The following LUZP2 variants were observed in gnomAD, a reference collection of about 807,000 sequenced individuals.
LUZP2 encodes leucine zipper protein 2.
Under a neutral mutation model 51.6 loss-of-function variants are expected in LUZP2, and 52 were observed. The ratio of observed to expected loss-of-function variants is 1.01; its 90% CI spans 0.81 to 1.27. The LOEUF is 1.27. Among genes scored for constraint, LUZP2 ranks in the 50% most tolerant of loss-of-function variants. LUZP2 has a pLI of 0.00. For synonymous variants in LUZP2, 154 were observed against 137.3 expected, an observed-to-expected ratio of 1.12 and a Z score of -0.85; for missense variants, 436 against 395.4, an observed-to-expected ratio of 1.10 and a Z score of -0.87.
intron 1 of LUZP2, among the ~76,000 whole-genome samples, chr11:24,661,824 TTTGAAG>T (rs1856031738): frequency 6.6e-6 from 1 of 152,182 alleles, no homozygotes; most frequent in Non-Finnish European, 1.5e-5. Context: ...TTGACTTTTC[TTTGAAG>T]TTGGTTAATA....
chr11:24,715,297 G>GTGTGTGTGTGTGTGTGTGTGTA, intron 1 of LUZP2, among the ~76,000 whole-genome samples: 1 of 136,546 alleles, frequency 7.3e-6, no homozygotes, highest in Admixed American at 7.4e-5. Context: ...GTGTGTGTGT[G>GTGTGTGTGTGTGTGTGTGTGTA]TGTGTGTGTG....
intron 5 of LUZP2, among the ~76,000 whole-genome samples, chr11:24,831,324 A>C (rs1474300934): frequency 1.3e-5 from 2 of 152,244 alleles, no homozygotes; most frequent in Admixed American, 6.5e-5. Context: ...GAAGTTTTAC[A>C]CAGAGAGATA....
At chr11:25,044,032 G>T (rs866960910) in intron 9 of LUZP2, among the ~76,000 whole-genome samples, 2 of 116,586 alleles carry the variant, frequency 1.7e-5, no homozygotes, top group African/African-American at 8.5e-5. Context: ...GATATATATA[G>T]AGTCTATATA....
At position 24,927,839 on chromosome 11, in the gene LUZP2, T is replaced by C. The variant is rs112682195; in HGVS notation, c.522+13301T>C. On this transcript the variant is annotated intron_variant, in intron 7 of 11. Coordinates refer to ENST00000336930, the MANE Select transcript of LUZP2 (RefSeq NM_001009909.4). Reference sequence around the variant, plus strand: ...AAGTGGCTTTTGGTGGTATGGTCATTATCACGATATTGATTCTACCCATCC... The same window carrying C: ...AAGTGGCTTTTGGTGGTATGGTCATCATCACGATATTGATTCTACCCATCC... Among the ~76,000 whole-genome samples the C allele has an allele frequency of 3.5e-3, 529 of 152,242 alleles. 4 individuals carry two copies. The highest frequency in any genetic ancestry group is 4.9e-3 in the Non-Finnish European group (332 of 67,986).
chr11:24,530,214 G>C (rs7928736), intron 1 of LUZP2, among the ~76,000 whole-genome samples: 14,905 of 150,742 alleles, frequency 0.099, 907 homozygotes, highest in African/African-American at 0.16. Context: ...TGAATTCACT[G>C]AGGAGATTTA....
chr11:24,992,468 A>G (rs990877471), intron 9 of LUZP2, among the ~76,000 whole-genome samples: 1 of 152,158 alleles, frequency 6.6e-6, no homozygotes, highest in Non-Finnish European at 1.5e-5. Context: ...TAATGGAATT[A>G]GATTAATTGA....
chr11:24,586,456 T>C (rs1320301815), intron 1 of LUZP2, among the ~76,000 whole-genome samples: 1 of 152,074 alleles, frequency 6.6e-6, no homozygotes, highest in African/African-American at 2.4e-5. Context: ...AAATATATAA[T>C]TTTCTCAGAA....
chr11:24,953,514 G>A (rs1039642072), intron 7 of LUZP2, among the ~76,000 whole-genome samples: 3 of 151,942 alleles, frequency 2.0e-5, no homozygotes, highest in Admixed American at 1.3e-4. Context: ...TGTCTGCCAT[G>A]TCAATTAACT....
intron 1 of LUZP2, among the ~76,000 whole-genome samples, chr11:24,517,281 C>G (rs1471390243): frequency 6.6e-6 from 1 of 151,624 alleles, no homozygotes; most frequent in Non-Finnish European, 1.5e-5. Flanking sequence ...GTCAGGAGAT[C>G]GAGACCATCC....
chr11:25,069,330 A>G (rs1590895429), intron 10 of LUZP2, among the ~76,000 whole-genome samples: 1 of 151,978 alleles, frequency 6.6e-6, no homozygotes, highest in Non-Finnish European at 1.5e-5. Context: ...TGTTGTCCTC[A>G]TTTATAAAAA....
intron 1 of LUZP2, among the ~76,000 whole-genome samples, chr11:24,504,326 A>G (rs76808366): frequency 0.012 from 1,790 of 152,276 alleles, 34 homozygotes; most frequent in African/African-American, 0.04. Flanking sequence ...ATAAGGTTAC[A>G]TTACATTTTC....
At chr11:24,753,828 C>T (rs1859677893) in intron 4 of LUZP2, among the ~76,000 whole-genome samples, 2 of 152,120 alleles carry the variant, frequency 1.3e-5, no homozygotes, top group African/African-American at 4.8e-5. Context: ...CTTCATTAAT[C>T]AGTATAGCCA....
At chr11:24,940,294 A>G (rs1373422332) in intron 7 of LUZP2, among the ~76,000 whole-genome samples, 2 of 152,062 alleles carry the variant, frequency 1.3e-5, no homozygotes, top group Non-Finnish European at 2.9e-5. Flanking sequence ...GGAAAAGTAG[A>G]CTCACATATT....
chr11:24,599,912 C>T (rs1853564974), intron 1 of LUZP2, among the ~76,000 whole-genome samples: 1 of 152,098 alleles, frequency 6.6e-6, no homozygotes, highest in Admixed American at 6.6e-5. Flanking sequence ...CACACATAAG[C>T]ATGGGTTACA....
At chr11:24,637,507 G>C (rs1437149439) in intron 1 of LUZP2, among the ~76,000 whole-genome samples, 3 of 151,880 alleles carry the variant, frequency 2.0e-5, no homozygotes, top group Non-Finnish European at 4.4e-5. Context: ...GGGCAGAATA[G>C]AGCCATATTT....
In LUZP2 at chr11:24,731,991, A is replaced by G. The variant is rs975853947; in HGVS notation, c.181-127A>G. 22 of 646,572 alleles carry G rather than the reference A, an allele frequency of 3.4e-5. No homozygotes were observed. The African/African-American group carries it at 3.7e-4, about 11-fold the overall frequency. 40.1% of individuals were successfully genotyped at this position (646,572 alleles called of 1,614,324 possible). A position where few individuals can be genotyped will look rare whatever the true frequency, so the allele number is the denominator to read the frequency against. The stretch of plus-strand genomic sequence containing the variant: ...CATCCTTGGAGCCGTGAGGACCATC[A>G]TAGACTCATTTTTAATTCTTGTTCC... On this transcript the variant is annotated intron_variant, in intron 2 of 11. Coordinates refer to ENST00000336930, the MANE Select transcript of LUZP2 (RefSeq NM_001009909.4).
chr11:24,982,025 A>G (rs531785032), intron 8 of LUZP2, among the ~76,000 whole-genome samples: 2 of 152,106 alleles, frequency 1.3e-5, no homozygotes, highest in African/African-American at 4.8e-5. Flanking sequence ...AATATCACTA[A>G]TTATTAGAGA....
chr11:24,775,004 G>A (rs1241256198), intron 5 of LUZP2, among the ~76,000 whole-genome samples: 1 of 151,090 alleles, frequency 6.6e-6, no homozygotes, highest in Non-Finnish European at 1.5e-5. Flanking sequence ...CATAACAGGT[G>A]ACATATTTGC....
At chr11:24,926,041 C>T (rs1430619577) in intron 7 of LUZP2, among the ~76,000 whole-genome samples, 4 of 151,848 alleles carry the variant, frequency 2.6e-5, no homozygotes, top group African/African-American at 4.8e-5. Flanking sequence ...TCTCCAAATC[C>T]ATCCAGGTTG....
Sources: allele counts gnomAD v4.1 joint callset (sites outside exome capture counted in the v4.1 genomes callset), GRCh38; gene constraint gnomAD v4.1.1; transcripts MANE v1.5; gene names NCBI Gene and HGNC (gene_info 2026-07-23, HGNC 2026-07-21).